Variants in TULP4 observed in about 807,000 individuals in gnomAD.
TULP4 encodes the protein tubby-related protein 4.
Under a neutral mutation model 129.0 loss-of-function variants are expected in TULP4, and 16 were observed. The ratio of observed to expected loss-of-function variants is 0.12; its 90% CI spans 0.08 to 0.19. The LOEUF (loss-of-function observed/expected upper bound fraction) is 0.19, where lower values mean the gene tolerates loss of function less well. Among genes scored for constraint, TULP4 ranks in the 10% least tolerant of loss-of-function variants. The pLI is 1.00. For missense variants in TULP4, 1,842 were observed against 2,059.1 expected (o/e 0.89, Z 2.04); for synonymous variants, 998 against 854.0 (o/e 1.17, Z -2.94).
intron 1 of TULP4, among the ~76,000 whole-genome samples, chr6:158,232,508 C>G (rs1421871250): frequency 6.6e-6 from 1 of 151,036 alleles, no homozygotes. Flanking sequence ...GGGCGTCTGA[C>G]CCGGGCCCGG....
chr6:158,469,829 G>A (rs1442797989), intron 6 of TULP4, among the ~76,000 whole-genome samples: 1 of 151,820 alleles, frequency 6.6e-6, no homozygotes, highest in Non-Finnish European at 1.5e-5. Context: ...AGCAGCAGAA[G>A]GAAGGAGATG....
At chr6:158,476,646 T>A (rs984034352) in intron 6 of TULP4, among the ~76,000 whole-genome samples, 1 of 152,160 alleles carries the variant, frequency 6.6e-6, no homozygotes, top group Non-Finnish European at 1.5e-5. Flanking sequence ...ACCCCGCAGA[T>A]CATTTATTTA....
chr6:158,236,900 G>A (rs1321882643), intron 1 of TULP4, among the ~76,000 whole-genome samples: 2 of 130,980 alleles, frequency 1.5e-5, no homozygotes, highest in South Asian at 2.6e-4. Flanking sequence ...TGCAACCTCC[G>A]CCTCCCAGTT....
At position 158,481,153 on chromosome 6, in the gene TULP4, C is replaced by T. The variant is rs1339400036; in HGVS notation, c.1350C>T (p.Asp450=). Residue 450 remains aspartate (D), a synonymous_variant, in exon 8 of 14, where the codon GAC becomes GAT. Coordinates refer to ENST00000367097, the MANE Select transcript of TULP4 (RefSeq NM_020245.5). ...LHCTMKRTED[D]PEVGGPCYTL... ...GCACCATGAAGCGCACAGAGGACGA[C>T]CCGGAGGTGGGCGGCCCGTGCTACA... The T allele has an allele frequency of 1.9e-6, 3 of 1,614,172 alleles. No individual in the cohort carries two copies. The highest frequency in any genetic ancestry group is 1.7e-5 in the Admixed American group (1 of 60,024).
chr6:158,496,401 A>AT (rs1780338553), intron 11 of TULP4, among the ~76,000 whole-genome samples: 1 of 152,258 alleles, frequency 6.6e-6, no homozygotes, highest in South Asian at 2.1e-4. Context: ...CATTTCACAG[A>AT]TTTTTTAAAT....
At chr6:158,250,157 CTT>C (rs1242045230) in intron 1 of TULP4, among the ~76,000 whole-genome samples, 21 of 139,722 alleles carry the variant, frequency 1.5e-4, no homozygotes, top group Admixed American at 1.4e-4. Flanking sequence ...CTTTTCTTTT[CTT>C]TTTTTTTTTT....
chr6:158,390,797 ATGTT>A (rs1777567148), intron 1 of TULP4, among the ~76,000 whole-genome samples: 1 of 152,218 alleles, frequency 6.6e-6, no homozygotes, highest in Non-Finnish European at 1.5e-5. Flanking sequence ...CATGGGCCCT[ATGTT>A]TGTTTTAAAA....
chr6:158,429,991 C>A (rs1778592605), intron 3 of TULP4, 94 bp downstream of exon 3: 21 of 1,219,342 alleles, frequency 1.7e-5, no homozygotes, highest in Non-Finnish European at 2.3e-5. Context: ...GTGCAAAAGC[C>A]TCTTTAAGAA....
chr6:158,404,327 C>G (rs577563496), intron 1 of TULP4, among the ~76,000 whole-genome samples: 2 of 152,254 alleles, frequency 1.3e-5, no homozygotes, highest in East Asian at 3.9e-4. Flanking sequence ...TCTAACCATA[C>G]CTGCTTCTTA....
At chr6:158,233,654 A>T (rs968993269) in intron 1 of TULP4, among the ~76,000 whole-genome samples, 1 of 152,188 alleles carries the variant, frequency 6.6e-6, no homozygotes. Context: ...CCATGGGCAC[A>T]CTCATCTCGC....
intron 1 of TULP4, among the ~76,000 whole-genome samples, chr6:158,351,414 G>A (rs992795945): frequency 1.3e-5 from 2 of 152,154 alleles, no homozygotes; most frequent in African/African-American, 2.4e-5. Context: ...TGAATAGAGA[G>A]GCTTCAGCAA....
intron 1 of TULP4, among the ~76,000 whole-genome samples, chr6:158,322,781 T>C (rs1462151970): frequency 6.6e-6 from 1 of 152,166 alleles, no homozygotes; most frequent in African/African-American, 2.4e-5. Context: ...AGTCCCAGCT[T>C]ATACCTCATG....
At chr6:158,347,568 T>C (rs1780341333) in intron 1 of TULP4, among the ~76,000 whole-genome samples, 1 of 152,234 alleles carries the variant, frequency 6.6e-6, no homozygotes, top group South Asian at 2.1e-4. Flanking sequence ...GACTCATTAC[T>C]GTGCTGTCAG....
At chr6:158,354,204 T>G (rs751481776) in intron 1 of TULP4, among the ~76,000 whole-genome samples, 13 of 114,732 alleles carry the variant, frequency 1.1e-4, no homozygotes, top group Non-Finnish European at 3.6e-5. Flanking sequence ...GTACTTCTCC[T>G]TGGAGGAAGG....
At chr6:158,386,412 T>C (rs1048459069) in intron 1 of TULP4, among the ~76,000 whole-genome samples, 13 of 152,198 alleles carry the variant, frequency 8.5e-5, no homozygotes, top group Non-Finnish European at 1.6e-4. Context: ...ATCCAGTCTT[T>C]CATGGTGACA....
chr6:158,249,665 CAG>C (rs1467911470), intron 1 of TULP4, among the ~76,000 whole-genome samples: 1 of 152,230 alleles, frequency 6.6e-6, no homozygotes, highest in Non-Finnish European at 1.5e-5. Context: ...TCTGTGTTAT[CAG>C]TGGAGAGCAA....
intron 1 of TULP4, among the ~76,000 whole-genome samples, chr6:158,401,836 T>C (rs753655392): frequency 7.2e-5 from 11 of 152,076 alleles, no homozygotes; most frequent in Non-Finnish European, 1.6e-4. Flanking sequence ...AAAAAATATA[T>C]AGGACTTCTT....
At chr6:158,342,132 G>T (rs996401458) in intron 1 of TULP4, among the ~76,000 whole-genome samples, 1 of 152,216 alleles carries the variant, frequency 6.6e-6, no homozygotes, top group Non-Finnish European at 1.5e-5. Flanking sequence ...TGGCCAGGCT[G>T]GTCTTGAACT....
chr6:158,287,300 G>A (rs1778850036), intron 1 of TULP4, among the ~76,000 whole-genome samples: 2 of 152,148 alleles, frequency 1.3e-5, no homozygotes, highest in Admixed American at 6.6e-5. Context: ...GACTTCTCCT[G>A]TAGTTTATTG....
Sources: allele counts gnomAD v4.1 joint callset (sites outside exome capture counted in the v4.1 genomes callset), GRCh38; gene constraint gnomAD v4.1.1; transcripts MANE v1.5; gene names NCBI Gene and HGNC (gene_info 2026-07-23, HGNC 2026-07-21).